Variants in SLC8B1 observed in about 807,000 individuals in gnomAD.
The protein encoded by SLC8B1 is mitochondrial sodium/calcium exchanger protein.
A neutral mutation model predicts 63.4 loss-of-function variants in SLC8B1; 52 were observed. The observed-to-expected ratio is 0.82, with a 90% confidence interval of 0.66 to 1.03. SLC8B1 has a LOEUF of 1.03. Ranked by LOEUF, SLC8B1 falls within the 50% of genes least tolerant of loss-of-function variation. The pLI is 0.00. For missense variants in SLC8B1, 657 were observed against 741.7 expected (o/e 0.89, Z 1.33); for synonymous variants, 336 against 323.9 (o/e 1.04, Z -0.40).
chr12:113,308,591 A>G (rs1956710724), intron 12 of SLC8B1: 1 of 152,136 alleles, frequency 6.6e-6, no homozygotes. Flanking sequence ...GACATTTCAC[A>G]TCAATGGAAT....
intron 2 of SLC8B1, among the ~76,000 whole-genome samples, chr12:113,330,087 C>A (rs998650858): frequency 2.6e-5 from 4 of 152,150 alleles, no homozygotes; most frequent in South Asian, 4.2e-4. Flanking sequence ...CAAAGCAGCA[C>A]CCCCCTCCCC....
chr12:113,300,468 G>A (rs1956570359), intron 15 of SLC8B1, among the ~76,000 whole-genome samples: 1 of 152,140 alleles, frequency 6.6e-6, no homozygotes, highest in Non-Finnish European at 1.5e-5. Flanking sequence ...GGGTGATGGA[G>A]TAAGACTCTG....
rs1956739174 is a variant in SLC8B1 at position 113,310,267 on chromosome 12, G to A, written c.1224C>T (p.Ala408=). 2 of 1,613,900 alleles carry A rather than the reference G, an allele frequency of 1.2e-6. No homozygotes were observed. Among genetic ancestry groups the A allele is most frequent in the Non-Finnish European group, 1.7e-6 (2 of 1,179,944 alleles). The change falls in exon 12 of 16, where the codon GCC becomes GCT. Residue 408 remains alanine, a synonymous_variant. Transcript: ENST00000680972. ...GCCTGGGGGGCTGGCTGTCAGATGTGGCAAAAAAGGTCACTGAAGCCAAGG... is the reference window on the plus strand; with the variant it reads ...GCCTGGGGGGCTGGCTGTCAGATGTAGCAAAAAAGGTCACTGAAGCCAAGG... ...GTALASVTFF[A]TSDSQPPRLH...
intron 2 of SLC8B1, among the ~76,000 whole-genome samples, chr12:113,325,615 A>G (rs1555276557): frequency 6.7e-6 from 1 of 148,964 alleles, no homozygotes; most frequent in Non-Finnish European, 1.5e-5. Flanking sequence ...CCCAGGCCAG[A>G]CTGCAGTGGC....
At chr12:113,314,162 C>T (rs1485696374) in intron 11 of SLC8B1, among the ~76,000 whole-genome samples, 1 of 152,242 alleles carries the variant, frequency 6.6e-6, no homozygotes. Flanking sequence ...AACCAGACGG[C>T]CCTAGTGGGT....
chr12:113,312,100 A>T (rs1264148141), intron 11 of SLC8B1, among the ~76,000 whole-genome samples: 2 of 151,924 alleles, frequency 1.3e-5, no homozygotes, highest in Non-Finnish European at 2.9e-5. Context: ...CAGATCAGGA[A>T]TAGCACAGAA....
intron 8 of SLC8B1, among the ~76,000 whole-genome samples, chr12:113,318,514 T>C (rs1956875250): frequency 6.6e-6 from 1 of 152,192 alleles, no homozygotes; most frequent in Non-Finnish European, 1.5e-5. Flanking sequence ...CATGTATGTG[T>C]ATGTGTGCAT....
chr12:113,331,862 C>A (rs1401774852), intron 2 of SLC8B1, among the ~76,000 whole-genome samples: 1 of 152,162 alleles, frequency 6.6e-6, no homozygotes, highest in African/African-American at 2.4e-5. Flanking sequence ...CTTCCATTGG[C>A]TCCCCACTAT....
intron 14 of SLC8B1, among the ~76,000 whole-genome samples, chr12:113,306,136 A>G (rs1956671854): frequency 6.6e-6 from 1 of 151,152 alleles, no homozygotes; most frequent in African/African-American, 2.4e-5. Flanking sequence ...CAACCCTAAC[A>G]TAGACCATGA....
Position 113,316,509 on chromosome 12 carries a change from C to A in SLC8B1, c.993+17G>T, listed in dbSNP as rs776922174. 5.0e-6 allele frequency: 8 copies of A among 1,611,640 alleles called. No homozygotes were observed. The highest frequency in any genetic ancestry group is 6.8e-6 in the Non-Finnish European group (8 of 1,178,692). ...TGCTGTCAGAAGGCTGTGAGCCTGGCTCCAGGACCCTCCTACCTTGAACAC... is the reference window on the plus strand; with the variant it reads ...TGCTGTCAGAAGGCTGTGAGCCTGGATCCAGGACCCTCCTACCTTGAACAC... On this transcript the variant is annotated intron_variant, in intron 10 of 15. Coordinates refer to ENST00000680972, the MANE Select transcript of SLC8B1 (RefSeq NM_001358345.2).
In SLC8B1 at chr12:113,320,538, C is replaced by T; in HGVS notation, c.527-40G>A. On this transcript the variant is annotated intron_variant, in intron 6 of 15. Transcript: ENST00000680972. The surrounding 1 kb of genome is among the most constrained non-coding windows in gnomAD (Gnocchi z 5.3). ...CCAGAGCTCAGCCACCCTGCACCCT[C>T]TCCTGCTGCTTTCCCCGCCCCCCTC... is the stretch of plus-strand genomic sequence containing the variant. 4 of 1,613,998 alleles carry T rather than the reference C, an allele frequency of 2.5e-6. No homozygotes were observed. The highest frequency in any genetic ancestry group is 3.4e-6 in the Non-Finnish European group (4 of 1,179,988).
chr12:113,308,634 T>C (rs1255139094), intron 12 of SLC8B1: 1 of 152,060 alleles, frequency 6.6e-6, no homozygotes, highest in Non-Finnish European at 1.5e-5. Flanking sequence ...TACAGTCTTC[T>C]CTCACTCAGC....
intron 2 of SLC8B1, among the ~76,000 whole-genome samples, chr12:113,325,351 G>A (rs527679149): frequency 4.6e-5 from 7 of 152,184 alleles, no homozygotes; most frequent in South Asian, 4.2e-4. Flanking sequence ...ACTCCTGGGC[G>A]CATGTGATCC....
At chr12:113,314,321 C>T (rs1174718643) in intron 11 of SLC8B1, among the ~76,000 whole-genome samples, 4 of 152,234 alleles carry the variant, frequency 2.6e-5, no homozygotes, top group African/African-American at 7.2e-5. Context: ...TTCATCCCGA[C>T]ACTGTTACAG....
At chr12:113,325,045 C>T (rs943840064) in intron 2 of SLC8B1, among the ~76,000 whole-genome samples, 2 of 152,280 alleles carry the variant, frequency 1.3e-5, no homozygotes, top group South Asian at 4.1e-4. Context: ...AATTCCCTTC[C>T]TCTCTTTGAG....
At chr12:113,309,372 A>G (rs956269961) in intron 12 of SLC8B1, among the ~76,000 whole-genome samples, 2 of 152,110 alleles carry the variant, frequency 1.3e-5, no homozygotes, top group Non-Finnish European at 2.9e-5. Flanking sequence ...CTCTGGACAA[A>G]CCCCTAAATA....
chr12:113,315,485 G>C lies in SLC8B1; in HGVS notation c.994-9C>G. The C allele has an allele frequency of 6.4e-7, 1 of 1,573,926 alleles. No individual in the cohort carries two copies. Among genetic ancestry groups the C allele is most frequent in the Non-Finnish European group, 8.6e-7 (1 of 1,159,650 alleles). ...AGGAACTCCACAGGCAGCTGTCAAG[G>C]GGGCAAAAGTGGGAGGGTGTCGGCA... On this transcript the variant is annotated splice_polypyrimidine_tract_variant and intron_variant, in intron 10 of 15. Transcript: ENST00000680972.
chr12:113,313,902 C>G (rs547527678), intron 11 of SLC8B1, among the ~76,000 whole-genome samples: 1 of 151,980 alleles, frequency 6.6e-6, no homozygotes, highest in Non-Finnish European at 1.5e-5. Context: ...CCCAGCTACT[C>G]GGGAGGCTGA....
chr12:113,325,039 C>A (rs1956979947), intron 2 of SLC8B1, among the ~76,000 whole-genome samples: 1 of 152,126 alleles, frequency 6.6e-6, no homozygotes, highest in African/African-American at 2.4e-5. Flanking sequence ...TGTAGCAATT[C>A]CCTTCCTCTC....
Sources: gnomAD v4.1 joint callset for allele counts (sites outside exome capture counted in the v4.1 genomes callset) on GRCh38, gnomAD v4.1.1 for gene constraint, Gnocchi (gnomAD v3.1) non-coding constraint, MANE v1.5 for transcripts, NCBI Gene and HGNC (gene_info 2026-07-23, HGNC 2026-07-21) for gene names.